DCLK1: variants seen among roughly 807,000 people sequenced by gnomAD.
DCLK1 encodes the protein doublecortin like kinase 1.
In DCLK1, 16 loss-of-function variants were observed where a neutral mutation model predicts 86.2. That is an observed-to-expected ratio of 0.19 (90% CI 0.13 to 0.28). The LOEUF is 0.28. Ranked by LOEUF, DCLK1 falls within the 10% of genes least tolerant of loss-of-function variation. DCLK1 has a pLI of 1.00. For synonymous variants in DCLK1, 369 were observed against 370.5 expected (o/e 1.00, Z 0.05); for missense variants, 590 against 940.2 (o/e 0.63, Z 4.87).
chr13:35,932,901 C>T (rs1002597132), intron 4 of DCLK1, among the ~76,000 whole-genome samples: 1 of 152,218 alleles, frequency 6.6e-6, no homozygotes, highest in Non-Finnish European at 1.5e-5. Context: ...CTCATTTCAG[C>T]CTTAACTCAA....
Position 35,939,465 on chromosome 13 carries a change from C to T in DCLK1, c.823+7893G>A, listed in dbSNP as rs369972478. 8.7e-4 allele frequency among the ~76,000 whole-genome samples: 133 copies of T among 152,326 alleles called. No individual in the cohort carries two copies. In the South Asian group the frequency reaches 0.021, roughly 24 times the overall value. The stretch of plus-strand genomic sequence containing the variant: ...CGCTCTTTTGCCCAGGCAGGAGTGG[C>T]GCAATCTCTGCTCACTGCAGCCTCA... On this transcript the variant is annotated intron_variant, in intron 4 of 16. Transcript: ENST00000360631.
intron 10 of DCLK1, among the ~76,000 whole-genome samples, chr13:35,823,281 C>T (rs1016289478): frequency 6.6e-6 from 1 of 151,936 alleles, no homozygotes; most frequent in Non-Finnish European, 1.5e-5. Context: ...TCCTTCACCT[C>T]CTCCAGTGAG....
In DCLK1 at chr13:35,793,456, T is replaced by C. The variant is rs1208017099; in HGVS notation, c.1968A>G (p.Glu656=). 6.2e-7 allele frequency: 1 copy of C among 1,606,588 alleles called. No homozygotes were observed. The highest frequency in any genetic ancestry group is 2.2e-5 in the East Asian group (1 of 44,462). The part of the protein sequence containing the change: ...WVNDDGLPEN[E]HQLSVAGKIK... ...TCTTTCCAGCTACTGACAGCTGATGTTCATTTTCTGGGAGGCCATCATCCT... is the reference window on the plus strand; with the variant it reads ...TCTTTCCAGCTACTGACAGCTGATGCTCATTTTCTGGGAGGCCATCATCCT... Residue 656 remains glutamate (E), a synonymous_variant, in exon 16 of 17, where the codon GAA becomes GAG. Transcript: ENST00000360631.
Position 35,981,964 on chromosome 13 carries a change from T to C in DCLK1, c.724-34507A>G, listed in dbSNP as rs1046133240. Among the ~76,000 whole-genome samples the C allele has an allele frequency of 2.6e-5, 4 of 152,204 alleles. No individual in the cohort carries two copies. In the East Asian group the frequency reaches 7.7e-4, roughly 29 times the overall value. On this transcript the variant is annotated intron_variant, in intron 3 of 16. Transcript: ENST00000360631. ...CTTGCCAACACTTGTTATTTTCTGATTATTTTATGCTAGCCATCCTAGTGG... is the reference window on the plus strand; with the variant it reads ...CTTGCCAACACTTGTTATTTTCTGACTATTTTATGCTAGCCATCCTAGTGG...
At position 35,940,616 on chromosome 13, in the gene DCLK1, G is replaced by T. The variant is rs571727801; in HGVS notation, c.823+6742C>A. Among the ~76,000 whole-genome samples the T allele has an allele frequency of 2.0e-4, 31 of 152,234 alleles. No individual in the cohort carries two copies. In the South Asian group the frequency reaches 6.2e-3, roughly 31 times the overall value. ...TCAACATGGGCACGGAGAGAGGGAA[G>T]CATTTACCAAGGGCTGGGACTCCTG... On this transcript the variant is annotated intron_variant, in intron 4 of 16. Transcript: ENST00000360631.
In DCLK1 at chr13:35,924,503, T is replaced by C. The variant is rs547274383; in HGVS notation, c.823+22855A>G. Among the ~76,000 whole-genome samples the C allele has an allele frequency of 9.2e-5, 14 of 152,144 alleles. No homozygotes were observed. The East Asian group carries it at 2.5e-3, about 27-fold the overall frequency. On this transcript the variant is annotated intron_variant, in intron 4 of 16. Coordinates refer to ENST00000360631, the MANE Select transcript of DCLK1 (RefSeq NM_001330071.2). ...TGTCTCTACTAAAAATACAAAACAA[T>C]TAGCTGGGCATGGTGGCACACACCT...
chr13:36,047,169 CAAAAG>C (rs1882945153), intron 3 of DCLK1, among the ~76,000 whole-genome samples: 1 of 152,072 alleles, frequency 6.6e-6, no homozygotes, highest in East Asian at 1.9e-4. Context: ...ATCAAAAAGA[CAAAAG>C]ATAACAAGAT....
At chr13:35,793,319 G>A (rs1345169742) in intron 16 of DCLK1, 47 bp downstream of exon 16, 2 of 1,468,438 alleles carry the variant, frequency 1.4e-6, no homozygotes, top group East Asian at 4.6e-5. Flanking sequence ...TGTCTCTTAG[G>A]TGGGTTGCTT....
At chr13:35,941,828 T>C (rs1455032404) in intron 4 of DCLK1, among the ~76,000 whole-genome samples, 1 of 152,174 alleles carries the variant, frequency 6.6e-6, no homozygotes, top group East Asian at 1.9e-4. Context: ...GGCAAAAACA[T>C]TTTCCAGTAT....
chr13:35,810,111 C>G lies in DCLK1; in HGVS notation c.1688+724G>C, dbSNP rs150989646. On this transcript the variant is annotated intron_variant, in intron 12 of 16. Transcript: ENST00000360631. Reference sequence around the variant, plus strand: ...GGCTTCTTACCAAAGGAGTCTTTGACTCAGGCTGACCTGAGTTCAAATCCT... The same window carrying G: ...GGCTTCTTACCAAAGGAGTCTTTGAGTCAGGCTGACCTGAGTTCAAATCCT... Among the ~76,000 whole-genome samples, 522 of 152,280 alleles carry G rather than the reference C, an allele frequency of 3.4e-3. 2 individuals carry two copies. Among genetic ancestry groups the G allele is most frequent in the African/African-American group, 0.012 (496 of 41,558 alleles).
intron 4 of DCLK1, among the ~76,000 whole-genome samples, chr13:35,903,322 G>A (rs140197332): frequency 1.9e-3 from 283 of 152,290 alleles, no homozygotes; most frequent in Non-Finnish European, 3.3e-3. Context: ...ATAAGAGGAG[G>A]CAGAGGCACT....
chr13:35,907,982 T>C (rs559840694), intron 4 of DCLK1, among the ~76,000 whole-genome samples: 2 of 152,206 alleles, frequency 1.3e-5, no homozygotes. Flanking sequence ...TTTAATTTTT[T>C]TTCCTCCTTG....
chr13:36,070,892 A>G (rs1372752801), intron 3 of DCLK1, among the ~76,000 whole-genome samples: 1 of 151,770 alleles, frequency 6.6e-6, no homozygotes, highest in Non-Finnish European at 1.5e-5. Context: ...CAATCCACCC[A>G]CCTCAGCCTC....
At chr13:36,042,733 C>A (rs1229036897) in intron 3 of DCLK1, among the ~76,000 whole-genome samples, 1 of 152,176 alleles carries the variant, frequency 6.6e-6, no homozygotes, top group African/African-American at 2.4e-5. Flanking sequence ...ATGGTTCTGA[C>A]TCACACACTC....
chr13:36,121,088 A>T (rs1409037060), intron 2 of DCLK1, among the ~76,000 whole-genome samples: 1 of 152,244 alleles, frequency 6.6e-6, no homozygotes, highest in Non-Finnish European at 1.5e-5. Context: ...TGTCTGTAAT[A>T]ACAAATAATT....
At chr13:35,897,388 G>T (rs1308415400) in intron 4 of DCLK1, among the ~76,000 whole-genome samples, 1 of 152,178 alleles carries the variant, frequency 6.6e-6, no homozygotes, top group East Asian at 1.9e-4. Context: ...ATGATAGCAA[G>T]AATGGAAGGC....
chr13:35,857,519 AG>A (rs1382521545), intron 5 of DCLK1, among the ~76,000 whole-genome samples: 1 of 152,186 alleles, frequency 6.6e-6, no homozygotes, highest in Non-Finnish European at 1.5e-5. Flanking sequence ...TCTCTCTCTC[AG>A]GGTATACTGT....
At chr13:35,865,081 C>G (rs1184324687) in intron 5 of DCLK1, among the ~76,000 whole-genome samples, 1 of 152,108 alleles carries the variant, frequency 6.6e-6, no homozygotes, top group African/African-American at 2.4e-5. Flanking sequence ...ATAAAGCCAA[C>G]TGAAATTTTA....
At chr13:35,839,580 A>G (rs1043903745) in intron 6 of DCLK1, among the ~76,000 whole-genome samples, 13 of 152,244 alleles carry the variant, frequency 8.5e-5, no homozygotes, top group South Asian at 6.2e-4. Context: ...TATTTTTCTG[A>G]CAGAAAACAT....
Sources: gnomAD v4.1 joint callset for allele counts (sites outside exome capture counted in the v4.1 genomes callset) on GRCh38, gnomAD v4.1.1 for gene constraint, MANE v1.5 for transcripts, NCBI Gene and HGNC (gene_info 2026-07-23, HGNC 2026-07-21) for gene names.